The following MTOR variants were observed in gnomAD, a reference collection of about 807,000 sequenced individuals.
MTOR encodes mechanistic target of rapamycin kinase.
MTOR carries 70 observed loss-of-function variants against 319.8 expected under a neutral mutation model. The observed-to-expected ratio is 0.22, with a 90% CI of 0.18 to 0.27. The LOEUF is 0.27. Among genes scored for constraint, MTOR ranks in the 10% least tolerant of loss-of-function variants. The probability of loss-of-function intolerance (pLI) is 1.00; values close to 1 mark genes in which losing one functional copy is unlikely to be tolerated. For missense variants in MTOR, 1,890 were observed against 3,274.4 expected (o/e 0.58, Z 10.32); for synonymous variants, 1,183 against 1,211.4 (o/e 0.98, Z 0.49).
At chr1:11,214,752 G>A (rs952987065) in intron 20 of MTOR, among the ~76,000 whole-genome samples, 2 of 152,164 alleles carry the variant, frequency 1.3e-5, no homozygotes, top group African/African-American at 2.4e-5. Context: ...AAAAAGCTGT[G>A]TTTTCTAGGT....
rs755920637 is a variant in MTOR, at chr1:11,128,643, C to T, written c.5812-91G>A. 4.4e-5 allele frequency: 58 copies of T among 1,314,234 alleles called. 1 individual carries two copies. The highest frequency in any genetic ancestry group is 3.7e-4 in the Middle Eastern group (2 of 5,474). The allele number at this position is 1,314,234 out of a possible 1,614,324, so 81.4% of individuals were successfully genotyped here. A position where few individuals can be genotyped will look rare whatever the true frequency, so the allele number is the denominator to read the frequency against. ...AAAGATCAATTCTTTTAACTTGTTTCGGTTGATGCTCTGAAATGGTTCATT... is the reference window on the plus strand; with the variant it reads ...AAAGATCAATTCTTTTAACTTGTTTTGGTTGATGCTCTGAAATGGTTCATT... On this transcript the variant is annotated intron_variant, in intron 41 of 57. Transcript: ENST00000361445. This position sits in a 1 kb window ranked among gnomAD's most constrained non-coding sequence, Gnocchi z 5.3.
chr1:11,151,217 C>T (rs972134658), intron 30 of MTOR, among the ~76,000 whole-genome samples: 6 of 152,118 alleles, frequency 3.9e-5, no homozygotes, highest in African/African-American at 7.2e-5. Flanking sequence ...CTGTGGACCA[C>T]GTCTAGGAGA....
In MTOR at chr1:11,133,030, C is replaced by T; in HGVS notation, c.5364+50G>A. ...CTGTAACCACGAGCACACAGGAGGA[C>T]ACGAGCCAGCCAGGGTGCTGGGTCT... is the stretch of plus-strand genomic sequence containing the variant. On this transcript the variant is annotated intron_variant, in intron 38 of 57. Transcript: ENST00000361445. This position sits in a 1 kb window ranked among gnomAD's most constrained non-coding sequence, Gnocchi z 4.0. 1 of 1,512,194 alleles carries T rather than the reference C, an allele frequency of 6.6e-7. No individual in the cohort carries two copies. The allele number at this position is 1,512,194 out of a possible 1,614,324, so 93.7% of individuals were successfully genotyped here. A position where few individuals can be genotyped will look rare whatever the true frequency, so the allele number is the denominator to read the frequency against.
rs1393726272 is a variant in MTOR at position 11,108,188 on chromosome 1, T to A, written c.7627A>T (p.Ile2543Phe). The A allele has an allele frequency of 6.2e-7, 1 of 1,613,316 alleles. No homozygotes were observed. Among genetic ancestry groups the A allele is most frequent in the African/African-American group, 1.3e-5 (1 of 74,898 alleles). ...TSHENLCQCYIGWCPFW is the reference protein window; with the variant it reads ...TSHENLCQCYFGWCPFW ...TTTGAGAGCCCCACTCACCAGCCAATATAGCACTGGCAGAGGTTTTCATGG... is the reference window on the plus strand; with the variant it reads ...TTTGAGAGCCCCACTCACCAGCCAAAATAGCACTGGCAGAGGTTTTCATGG... Residue 2543 changes from isoleucine (I) to phenylalanine (F), a missense_variant, in exon 57 of 58, where the codon ATT (isoleucine) becomes TTT (phenylalanine). Ile to Phe is a conservative substitution (Grantham distance 21). Transcript: ENST00000361445.
chr1:11,241,633 G>A lies in MTOR; in HGVS notation c.1461C>T (p.Ser487=). The change falls in exon 10 of 58, where the codon AGC becomes AGT. Residue 487 remains serine, a synonymous_variant. Coordinates refer to ENST00000361445, the MANE Select transcript of MTOR (RefSeq NM_004958.4). Reference sequence around the variant, plus strand: ...CTGGCCCCATTGCTCGAGCCAGCATGCTGATGCAAGTGAAGACTGTGGCAT... The same window carrying A: ...CTGGCCCCATTGCTCGAGCCAGCATACTGATGCAAGTGAAGACTGTGGCAT... ...QVDATVFTCI[S]MLARAMGPGI... 6.2e-7 allele frequency: 1 copy of A among 1,614,080 alleles called. No homozygotes were observed. The highest frequency in any genetic ancestry group is 8.5e-7 in the Non-Finnish European group (1 of 1,179,940).
intron 32 of MTOR, among the ~76,000 whole-genome samples, 198 bp downstream of exon 32, chr1:11,146,478 C>T (rs1204804616): frequency 6.6e-6 from 1 of 152,178 alleles, no homozygotes; most frequent in Non-Finnish European, 1.5e-5. Flanking sequence ...ACATTTGTCC[C>T]CCTCAGAACA....
chr1:11,137,832 T>C (rs1407233222), intron 36 of MTOR, among the ~76,000 whole-genome samples: 1 of 152,232 alleles, frequency 6.6e-6, no homozygotes, highest in African/African-American at 2.4e-5. Flanking sequence ...TTCCCACAAA[T>C]ACTTTCCTTT....
intron 30 of MTOR, among the ~76,000 whole-genome samples, chr1:11,153,559 A>C (rs1644220038): frequency 6.6e-6 from 1 of 152,232 alleles, no homozygotes; most frequent in African/African-American, 2.4e-5. Flanking sequence ...AGCTGATATG[A>C]AACTAGAAAA....
chr1:11,256,874 C>T lies in MTOR; in HGVS notation c.504+59G>A. 5.3e-6 allele frequency: 8 copies of T among 1,501,240 alleles called. No individual in the cohort carries two copies. In the South Asian group the frequency reaches 8.2e-5, roughly 15 times the overall value. The allele number at this position is 1,501,240 out of a possible 1,614,324, so 93.0% of individuals were successfully genotyped here. A position where few individuals can be genotyped will look rare whatever the true frequency, so the allele number is the denominator to read the frequency against. ...ATGAGCCTCAGAAGGAAGCAAAAGA[C>T]CCCCCCATGACACCATCGTTCCCCA... On this transcript the variant is annotated intron_variant, in intron 4 of 57. Coordinates refer to ENST00000361445, the MANE Select transcript of MTOR (RefSeq NM_004958.4).
At chr1:11,123,555 A>G (rs948604092) in intron 47 of MTOR, among the ~76,000 whole-genome samples, 1 of 152,030 alleles carries the variant, frequency 6.6e-6, no homozygotes, top group Admixed American at 6.6e-5. Context: ...TGCAGCCTCA[A>G]CCAACTGGGC....
At chr1:11,206,288 T>C (rs1263061208) in intron 25 of MTOR, among the ~76,000 whole-genome samples, 1 of 152,190 alleles carries the variant, frequency 6.6e-6, no homozygotes, top group Non-Finnish European at 1.5e-5. Context: ...GTATTACTAG[T>C]TTCTTTTTCC....
chr1:11,113,914 A>G (rs1221709757), intron 53 of MTOR, among the ~76,000 whole-genome samples: 1 of 152,186 alleles, frequency 6.6e-6, no homozygotes, highest in African/African-American at 2.4e-5. Flanking sequence ...TGTTCTCGTG[A>G]TAGTGACTGA....
intron 49 of MTOR, among the ~76,000 whole-genome samples, chr1:11,117,317 T>G (rs1642222818): frequency 6.6e-6 from 1 of 152,258 alleles, no homozygotes; most frequent in South Asian, 2.1e-4. Flanking sequence ...CCCGCCACCA[T>G]GCCCAGCTTA....
chr1:11,189,972 CCT>C (rs1645465529), intron 28 of MTOR: 2 of 1,587,762 alleles, frequency 1.3e-6, no homozygotes, highest in South Asian at 2.3e-5. Context: ...AGACCAGTCC[CCT>C]GAGGGAGCGT....
At chr1:11,124,876 G>A (rs1041677939) in intron 46 of MTOR, among the ~76,000 whole-genome samples, 1 of 152,210 alleles carries the variant, frequency 6.6e-6, no homozygotes, top group Non-Finnish European at 1.5e-5. Flanking sequence ...ACCAGGAACG[G>A]TTAGGCATGG....
intron 32 of MTOR, among the ~76,000 whole-genome samples, chr1:11,145,891 C>T (rs1327878186): frequency 2.0e-5 from 3 of 152,196 alleles, no homozygotes; most frequent in Non-Finnish European, 4.4e-5. Context: ...CAGGTGGTAG[C>T]TCTGGCTTCC....
At chr1:11,246,540 C>T (rs1301623966) in intron 8 of MTOR, among the ~76,000 whole-genome samples, 4 of 152,216 alleles carry the variant, frequency 2.6e-5, no homozygotes, top group East Asian at 1.9e-4. Flanking sequence ...TCACCCAACA[C>T]GTTCTACTTC....
chr1:11,212,355 G>A lies in MTOR; in HGVS notation c.3518C>T (p.Ala1173Val), dbSNP rs1646339782. The A allele has an allele frequency of 1.2e-6, 2 of 1,614,002 alleles. No homozygotes were observed. The highest frequency in any genetic ancestry group is 1.7e-6 in the Non-Finnish European group (2 of 1,180,008). The change falls in exon 23 of 58, where the codon GCC becomes GTC. Residue 1173 changes from alanine (A) to valine (V), a missense_variant. Transcript: ENST00000361445. The surrounding 1 kb of genome is among the most constrained non-coding windows in gnomAD (Gnocchi z 4.1). ...LDQSPELRST[A>V]MDTLSSLVFQ... The stretch of plus-strand genomic sequence containing the variant: ...AACAAGTGAAGACAGCGTGTCCATG[G>A]CTGTGGAGCGCAGTTCTGGGCTCTG...
intron 28 of MTOR, among the ~76,000 whole-genome samples, chr1:11,176,211 G>T (rs1037342678): frequency 1.3e-5 from 2 of 152,178 alleles, no homozygotes; most frequent in African/African-American, 4.8e-5. Context: ...CTCAGTCACG[G>T]CTCCACAGGC....
Sources: allele counts gnomAD v4.1 joint callset (sites outside exome capture counted in the v4.1 genomes callset), GRCh38; gene constraint gnomAD v4.1.1; non-coding constraint Gnocchi (gnomAD v3.1); transcripts MANE v1.5; gene names NCBI Gene and HGNC (gene_info 2026-07-23, HGNC 2026-07-21).